TMEM131L: variants seen among roughly 807,000 people sequenced by gnomAD.
The protein encoded by TMEM131L is transmembrane protein 131-like.
TMEM131L carries 54 observed loss-of-function variants against 192.2 expected under a neutral mutation model. The ratio of observed to expected loss-of-function variants is 0.28; its 90% CI spans 0.23 to 0.35. The LOEUF (loss-of-function observed/expected upper bound fraction) is 0.35. Among genes scored for constraint, TMEM131L ranks in the 10% least tolerant of loss-of-function variants. TMEM131L has a pLI of 1.00. For synonymous variants in TMEM131L, 701 were observed against 704.9 expected, an observed-to-expected ratio of 0.99 and a Z score of 0.09; for missense variants, 1,888 against 1,972.9, an observed-to-expected ratio of 0.96 and a Z score of 0.82.
At chr4:153,564,933 C>A (rs1729094407) in intron 7 of TMEM131L, among the ~76,000 whole-genome samples, 1 of 152,244 alleles carries the variant, frequency 6.6e-6, no homozygotes, top group Non-Finnish European at 1.5e-5. Flanking sequence ...GAACTCTGGC[C>A]TCACAGACCT....
intron 3 of TMEM131L, among the ~76,000 whole-genome samples, chr4:153,547,160 G>T (rs1241686545): frequency 6.6e-6 from 1 of 152,092 alleles, no homozygotes; most frequent in Non-Finnish European, 1.5e-5. Flanking sequence ...AATTGGCATG[G>T]TTTTATTTCT....
chr4:153,502,983 T>TC (rs1554022752), intron 3 of TMEM131L, among the ~76,000 whole-genome samples: 4 of 151,910 alleles, frequency 2.6e-5, no homozygotes, highest in Admixed American at 6.6e-5. Flanking sequence ...CTTTTTTTTT[T>TC]CCTCTACTCT....
At chr4:153,484,417 G>A (rs895648891) in intron 3 of TMEM131L, among the ~76,000 whole-genome samples, 1 of 151,322 alleles carries the variant, frequency 6.6e-6, no homozygotes, top group African/African-American at 2.4e-5. Context: ...TTCTCCCAAA[G>A]TTTTCTCCCA....
chr4:153,602,751 T>G (rs1731933949), intron 23 of TMEM131L, 24 bp downstream of exon 23: 1 of 1,609,400 alleles, frequency 6.2e-7, no homozygotes, highest in African/African-American at 1.3e-5. Flanking sequence ...GTCTCCCTTG[T>G]TCTCTCACTG....
At chr4:153,588,510 G>A (rs1030577853) in intron 15 of TMEM131L, among the ~76,000 whole-genome samples, 1 of 150,012 alleles carries the variant, frequency 6.7e-6, no homozygotes, top group Non-Finnish European at 1.5e-5. Flanking sequence ...GTTTTCCCTC[G>A]GCACTCTAGA....
chr4:153,475,718 T>A (rs189709354), intron 3 of TMEM131L, among the ~76,000 whole-genome samples: 88 of 152,288 alleles, frequency 5.8e-4, no homozygotes, highest in African/African-American at 2.1e-3. Flanking sequence ...TGTACAGACT[T>A]TTTCTTGTCA....
chr4:153,634,275 C>T lies in TMEM131L; in HGVS notation c.4412C>T (p.Pro1471Leu). Residue 1471 changes from proline (P) to leucine (L), a missense_variant, in exon 33 of 35, where the codon CCA becomes CTA. Transcript: ENST00000409959. ...GAATTGAACGATTACAATGCCTTTCCAGAAGGTAAGGGCTCTTCAGACAAT... is the reference window on the plus strand; with the variant it reads ...GAATTGAACGATTACAATGCCTTTCTAGAAGGTAAGGGCTCTTCAGACAAT... Reference protein sequence around the residue: ...PLELNDYNAFPEENMNYANGF... With the variant: ...PLELNDYNAFLEENMNYANGF... The T allele has an allele frequency of 6.2e-7, 1 of 1,612,266 alleles. No homozygotes were observed. The highest frequency in any genetic ancestry group is 8.5e-7 in the Non-Finnish European group (1 of 1,178,580).
chr4:153,544,423 C>T (rs571481079), intron 3 of TMEM131L, among the ~76,000 whole-genome samples: 1 of 152,210 alleles, frequency 6.6e-6, no homozygotes, highest in Non-Finnish European at 1.5e-5. Flanking sequence ...GTTTCCCTCG[C>T]TATCCTCCTC....
At chr4:153,494,158 C>G (rs1309076479) in intron 3 of TMEM131L, among the ~76,000 whole-genome samples, 1 of 151,984 alleles carries the variant, frequency 6.6e-6, no homozygotes, top group Non-Finnish European at 1.5e-5. Context: ...GTAAGGATCC[C>G]AGGGGTTAGT....
intron 3 of TMEM131L, among the ~76,000 whole-genome samples, chr4:153,503,676 T>C (rs1023010942): frequency 6.6e-6 from 1 of 152,202 alleles, no homozygotes; most frequent in African/African-American, 2.4e-5. Flanking sequence ...TTGGGGCAAG[T>C]CACTTAACTT....
chr4:153,610,451 ATTTGGAGAATATAACCTTAAT>A (rs1214951992), intron 25 of TMEM131L, among the ~76,000 whole-genome samples: 1 of 152,190 alleles, frequency 6.6e-6, no homozygotes, highest in Non-Finnish European at 1.5e-5. Flanking sequence ...ATTTTGTGAC[ATTTGGAGAATATAACCTTAAT>A]TTTGGGATAG....
chr4:153,563,804 C>T (rs550400407), intron 7 of TMEM131L, among the ~76,000 whole-genome samples: 45 of 152,164 alleles, frequency 3.0e-4, no homozygotes, highest in Admixed American at 7.2e-4. Flanking sequence ...GTGATATACA[C>T]GAACCACGTG....
At chr4:153,587,510 T>A (rs533036350) in intron 14 of TMEM131L, among the ~76,000 whole-genome samples, 1 of 152,178 alleles carries the variant, frequency 6.6e-6, no homozygotes, top group African/African-American at 2.4e-5. Flanking sequence ...GGCCCAAGGG[T>A]CATTATTGTC....
At chr4:153,511,710 A>G (rs1734371121) in intron 3 of TMEM131L, among the ~76,000 whole-genome samples, 1 of 152,198 alleles carries the variant, frequency 6.6e-6, no homozygotes, top group Admixed American at 6.5e-5. Context: ...CTACATCTAT[A>G]AGAACTAAAC....
chr4:153,569,826 TA>T (rs1165841230), intron 7 of TMEM131L, among the ~76,000 whole-genome samples: 3 of 152,200 alleles, frequency 2.0e-5, no homozygotes, highest in Non-Finnish European at 4.4e-5. Flanking sequence ...ACTTAACTTT[TA>T]AAAAGAACCT....
intron 3 of TMEM131L, among the ~76,000 whole-genome samples, chr4:153,491,503 C>G (rs961101532): frequency 1.3e-5 from 2 of 152,010 alleles, no homozygotes; most frequent in African/African-American, 4.8e-5. Context: ...TGTAATCATT[C>G]ATATGGTAAG....
chr4:153,584,746 A>T (rs949432513), intron 11 of TMEM131L, 89 bp from the exon 12 acceptor site: 1 of 817,688 alleles, frequency 1.2e-6, no homozygotes, highest in African/African-American at 1.8e-5. Flanking sequence ...AAGTGAATAA[A>T]AATTTATAAA....
chr4:153,537,248 C>T (rs1736404037), intron 3 of TMEM131L, among the ~76,000 whole-genome samples: 1 of 152,072 alleles, frequency 6.6e-6, no homozygotes, highest in Non-Finnish European at 1.5e-5. Context: ...TGGTTAACTC[C>T]ACCTTTGTAG....
chr4:153,622,464 C>A (rs563945017), intron 28 of TMEM131L, among the ~76,000 whole-genome samples: 63 of 152,316 alleles, frequency 4.1e-4, no homozygotes, highest in African/African-American at 1.5e-3. Context: ...TCCCTTGACA[C>A]GTGTGTGTTG....
Sources: gnomAD v4.1 joint callset for allele counts (sites outside exome capture counted in the v4.1 genomes callset) on GRCh38, gnomAD v4.1.1 for gene constraint, MANE v1.5 for transcripts, NCBI Gene and HGNC (gene_info 2026-07-23, HGNC 2026-07-21) for gene names.